Variants in TTC28 observed in about 807,000 individuals in gnomAD.
TTC28 encodes the protein tetratricopeptide repeat domain 28, also known as tetratricopeptide repeat protein 28.
TTC28 carries 61 observed loss-of-function variants against 198.0 expected under a neutral mutation model. That is an observed-to-expected ratio of 0.31 (90% CI 0.25 to 0.38). The LOEUF is 0.38. TTC28 is among the 10% of genes least tolerant of loss of function. The probability of loss-of-function intolerance (pLI) is 1.00; values close to 1 mark genes in which losing one functional copy is unlikely to be tolerated. For missense variants in TTC28, 2,678 were observed against 3,164.0 expected, an observed-to-expected ratio of 0.85 and a Z score of 3.69; for synonymous variants, 1,171 against 1,297.8, an observed-to-expected ratio of 0.90 and a Z score of 2.10.
intron 2 of TTC28, among the ~76,000 whole-genome samples, chr22:28,474,429 G>C (rs2048135369): frequency 6.6e-6 from 1 of 152,196 alleles, no homozygotes; most frequent in African/African-American, 2.4e-5. Flanking sequence ...TGTTTAAGAA[G>C]CAGTTACACT....
intron 12 of TTC28, among the ~76,000 whole-genome samples, chr22:28,050,511 C>A (rs1448518400): frequency 6.6e-6 from 1 of 152,128 alleles, no homozygotes; most frequent in African/African-American, 2.4e-5. Context: ...AGAACATTTG[C>A]ATATATTACG....
chr22:28,373,349 C>A (rs1343110738), intron 2 of TTC28, among the ~76,000 whole-genome samples: 2 of 151,684 alleles, frequency 1.3e-5, no homozygotes, highest in African/African-American at 4.8e-5. Context: ...TAATTTCTTA[C>A]AAGCATCCAG....
chr22:28,088,408 G>A (rs979447368), intron 12 of TTC28, among the ~76,000 whole-genome samples: 4 of 152,120 alleles, frequency 2.6e-5, no homozygotes, highest in Admixed American at 1.3e-4. Flanking sequence ...AACAAGCAAT[G>A]GGGAAAGGAT....
At chr22:28,049,934 T>C (rs1372706556) in intron 12 of TTC28, among the ~76,000 whole-genome samples, 1 of 152,142 alleles carries the variant, frequency 6.6e-6, no homozygotes, top group Non-Finnish European at 1.5e-5. Flanking sequence ...CATTCTGATC[T>C]GGTAGGGCTC....
intron 5 of TTC28, among the ~76,000 whole-genome samples, chr22:28,270,216 GGAA>G (rs1601556671): frequency 1.3e-5 from 2 of 151,786 alleles, no homozygotes; most frequent in East Asian, 3.9e-4. Context: ...ATTCAAAGGG[GGAA>G]AAAACAAAAG....
chr22:28,303,553 G>A (rs1216926185), intron 3 of TTC28, among the ~76,000 whole-genome samples: 1 of 152,052 alleles, frequency 6.6e-6, no homozygotes, highest in Non-Finnish European at 1.5e-5. Context: ...AATCAAATGA[G>A]CATCAATGTG....
chr22:28,412,291 C>T (rs1483432648), intron 2 of TTC28, among the ~76,000 whole-genome samples: 3 of 152,174 alleles, frequency 2.0e-5, no homozygotes. Flanking sequence ...TGCTACCCTT[C>T]TCCAGAACAG....
Position 27,983,742 on chromosome 22 carries a change from G to C in TTC28, c.5925C>G (p.Pro1975=). The change falls in exon 23 of 23, where the codon CCC becomes CCG. Residue 1975 remains proline (P), a synonymous_variant. Transcript: ENST00000397906. ...SNALPLGYQQ[P]PFSPTGADSI... is the part of the protein sequence containing the mutation. ...TGTCCGCACCGGTGGGAGAGAAGGG[G>C]GGTTGCTGGTAACCCAAGGGCAGGG... is the stretch of plus-strand genomic sequence containing the variant. 2.6e-6 allele frequency: 4 copies of C among 1,551,644 alleles called. No homozygotes were observed. The highest frequency in any genetic ancestry group is 3.5e-6 in the Non-Finnish European group (4 of 1,146,994).
chr22:28,012,331 C>A (rs470104), intron 14 of TTC28, among the ~76,000 whole-genome samples: 10,480 of 152,110 alleles, frequency 0.069, 416 homozygotes, highest in South Asian at 0.091. Flanking sequence ...CAACCGAGCA[C>A]GTGCAAGGAC....
intron 2 of TTC28, among the ~76,000 whole-genome samples, chr22:28,384,058 G>T (rs1375967720): frequency 6.6e-6 from 1 of 151,974 alleles, no homozygotes; most frequent in Non-Finnish European, 1.5e-5. Flanking sequence ...CCCTCCTGTG[G>T]GCTTTTACCC....
At chr22:28,008,973 T>C (rs1421079362) in intron 14 of TTC28, among the ~76,000 whole-genome samples, 1 of 152,186 alleles carries the variant, frequency 6.6e-6, no homozygotes, top group Admixed American at 6.5e-5. Context: ...CTAATTTGAT[T>C]AAAAACTAAT....
At chr22:28,398,254 C>T (rs1157692672) in intron 2 of TTC28, among the ~76,000 whole-genome samples, 1 of 152,068 alleles carries the variant, frequency 6.6e-6, no homozygotes, top group Non-Finnish European at 1.5e-5. Context: ...GGAGAGGGGG[C>T]CAGGGCCTGT....
intron 1 of TTC28, among the ~76,000 whole-genome samples, chr22:28,647,818 GAC>G (rs1385491941): frequency 6.6e-6 from 1 of 151,820 alleles, no homozygotes; most frequent in Non-Finnish European, 1.5e-5. Flanking sequence ...CAGCCTGGGC[GAC>G]AGAGTGAGAC....
intron 2 of TTC28, among the ~76,000 whole-genome samples, chr22:28,489,048 C>CA (rs2146338833): frequency 6.6e-6 from 1 of 152,220 alleles, no homozygotes; most frequent in African/African-American, 2.4e-5. Context: ...CTTTCAGAGG[C>CA]TGGGGGGAAA....
intron 2 of TTC28, among the ~76,000 whole-genome samples, chr22:28,318,434 G>A (rs1210891513): frequency 6.6e-6 from 1 of 152,064 alleles, no homozygotes; most frequent in Non-Finnish European, 1.5e-5. Context: ...AACACCAGAT[G>A]GGAAAGAAAA....
At chr22:28,263,784 A>C (rs1264421285) in intron 5 of TTC28, among the ~76,000 whole-genome samples, 1 of 152,054 alleles carries the variant, frequency 6.6e-6, no homozygotes, top group African/African-American at 2.4e-5. Flanking sequence ...TCAGAACAAA[A>C]GGAGTAGGGG....
intron 1 of TTC28, among the ~76,000 whole-genome samples, chr22:28,645,752 C>G (rs184748190): frequency 6.6e-6 from 1 of 151,614 alleles, no homozygotes; most frequent in East Asian, 1.9e-4. Flanking sequence ...AAAACAAAAA[C>G]CATATGATCA....
rs926408973 is a variant in TTC28 at position 28,520,011 on chromosome 22, C to T, written c.381+109541G>A. ...CCTTTGAGTATATCTGTAAATAATA[C>T]ACTATTTTACAGTTCTAATATTTCA... On this transcript the variant is annotated intron_variant, in intron 2 of 22. Coordinates refer to ENST00000397906, the MANE Select transcript of TTC28 (RefSeq NM_001145418.2). 3.2e-4 allele frequency among the ~76,000 whole-genome samples: 48 copies of T among 152,010 alleles called. 1 individual carries two copies. The highest frequency in any genetic ancestry group is 2.2e-3 in the Admixed American group (34 of 15,260).
chr22:28,290,950 C>A (rs2044776684), intron 5 of TTC28, among the ~76,000 whole-genome samples: 1 of 151,808 alleles, frequency 6.6e-6, no homozygotes, highest in South Asian at 2.1e-4. Context: ...ATCTCATTTC[C>A]AATAAGATAC....
Sources: gnomAD v4.1 joint callset for allele counts (sites outside exome capture counted in the v4.1 genomes callset) on GRCh38, gnomAD v4.1.1 for gene constraint, MANE v1.5 for transcripts, NCBI Gene and HGNC (gene_info 2026-07-23, HGNC 2026-07-21) for gene names.